The following CD55 variants were observed in gnomAD, a reference collection of about 807,000 sequenced individuals.
The protein encoded by CD55 is CD55 molecule (Cromer blood group), also known as complement decay-accelerating factor.
CD55 carries 41 observed loss-of-function variants against 45.8 expected under a neutral mutation model. That is an observed-to-expected ratio of 0.90 (90% CI 0.70 to 1.16). CD55 has a LOEUF of 1.16. Among genes scored for constraint, CD55 ranks in the 50% most tolerant of loss-of-function variants. CD55 has a pLI of 0.00. For missense variants in CD55, 416 were observed against 469.8 expected, an observed-to-expected ratio of 0.89 and a Z score of 1.06; for synonymous variants, 181 against 181.1, an observed-to-expected ratio of 1.00 and a Z score of 0.01.
intron 9 of CD55, among the ~76,000 whole-genome samples, chr1:207,340,188 G>C (rs368035098): frequency 6.6e-6 from 1 of 151,910 alleles, no homozygotes; most frequent in Non-Finnish European, 1.5e-5. Flanking sequence ...AACTTTTTTA[G>C]GTCTCACATG....
chr1:207,346,197 T>G (rs1655631044), intron 9 of CD55, among the ~76,000 whole-genome samples: 1 of 152,104 alleles, frequency 6.6e-6, no homozygotes, highest in African/African-American at 2.4e-5. Flanking sequence ...GGTGCGGTGA[T>G]TGGGTGGATC....
intron 6 of CD55, 39 bp downstream of exon 6, chr1:207,331,335 A>T (rs1178751275): frequency 6.5e-7 from 1 of 1,530,268 alleles, no homozygotes; most frequent in South Asian, 1.1e-5. Context: ...CTTTATTCTT[A>T]CCCTCAGGTC....
chr1:207,334,847 T>C (rs1250562039), intron 6 of CD55, among the ~76,000 whole-genome samples: 1 of 152,148 alleles, frequency 6.6e-6, no homozygotes, highest in African/African-American at 2.4e-5. Flanking sequence ...TCAGTAATTA[T>C]GTTAAGTGCA....
rs1656223720 is a variant in CD55, at chr1:207,359,739, G to GAT, written c.*130_*131dup. 19 of 1,260,298 alleles carry GAT rather than the reference G, an allele frequency of 1.5e-5. No individual in the cohort carries two copies. In the Middle Eastern group the frequency reaches 2.2e-3, roughly 144 times the overall value. The allele number at this position is 1,260,298 out of a possible 1,614,324, so 78.1% of individuals were successfully genotyped here. A position where few individuals can be genotyped will look rare whatever the true frequency, so the allele number is the denominator to read the frequency against. ...TTTAGGATGCTTTCATTGTCTTTAA[G>GAT]ATGTGTTAGGAATGTCAACAGAGCA... is the stretch of plus-strand genomic sequence containing the variant. On this transcript the variant is annotated 3_prime_UTR_variant, in exon 10 of 10. Transcript: ENST00000367064.
rs1236401085 is a variant in CD55, at chr1:207,336,749, G to A, written c.910G>A (p.Val304Ile). Reference protein sequence around the residue: ...PTVQKPTTVNVPTTEVSPTSQ... With the variant: ...PTVQKPTTVNIPTTEVSPTSQ... ...AGTTCAGAAACCTACCACAGTAAAT[G>A]TTCCAACTACAGAAGTCTCACCAAC... The change falls in exon 7 of 10, where the codon GTT becomes ATT. Residue 304 changes from valine to isoleucine, a missense_variant. Coordinates refer to ENST00000367064, the MANE Select transcript of CD55 (RefSeq NM_000574.5). The A allele has an allele frequency of 4.3e-6, 7 of 1,613,752 alleles. No individual in the cohort carries two copies. The highest frequency in any genetic ancestry group is 1.1e-5 in the South Asian group (1 of 91,068).
chr1:207,339,267 T>G, intron 8 of CD55, 130 bp from the exon 9 acceptor site: 1 of 649,234 alleles, frequency 1.5e-6, no homozygotes, highest in Non-Finnish European at 2.7e-6. Flanking sequence ...TTATAATTAT[T>G]TCATTTGTGG....
intron 9 of CD55, chr1:207,350,266 AT>A: frequency 3.2e-6 from 1 of 310,214 alleles, no homozygotes; most frequent in Non-Finnish European, 6.3e-6. Flanking sequence ...ATCTGCTAGT[AT>A]TTTGTTGAGG....
chr1:207,330,255 A>T (rs541719060), intron 5 of CD55, among the ~76,000 whole-genome samples: 1 of 151,984 alleles, frequency 6.6e-6, no homozygotes, highest in Non-Finnish European at 1.5e-5. Context: ...AAATGTGCTA[A>T]GTATTTTCTG....
At chr1:207,335,158 G>A (rs2102403921) in intron 6 of CD55, among the ~76,000 whole-genome samples, 1 of 145,796 alleles carries the variant, frequency 6.9e-6, no homozygotes, top group Non-Finnish European at 1.5e-5. Flanking sequence ...AAAATGGACA[G>A]AAAAAATAGA....
intron 6 of CD55, among the ~76,000 whole-genome samples, chr1:207,334,222 A>G (rs985838043): frequency 6.6e-6 from 1 of 152,158 alleles, no homozygotes; most frequent in Non-Finnish European, 1.5e-5. Context: ...CCAAAAGACA[A>G]TAAGAAGAAA....
chr1:207,339,566 C>T (rs968916167), intron 9 of CD55, 149 bp downstream of exon 9: 7 of 631,514 alleles, frequency 1.1e-5, no homozygotes, highest in Non-Finnish European at 1.6e-5. Flanking sequence ...AAACTTTAAA[C>T]GTCACTCAAA....
At chr1:207,353,975 A>T in intron 9 of CD55, 1 of 1,525,976 alleles carries the variant, frequency 6.6e-7, no homozygotes, top group South Asian at 1.2e-5. Flanking sequence ...TTTTGTTTTC[A>T]TAGCACATGC....
chr1:207,335,371 C>G (rs1245763893), intron 6 of CD55, among the ~76,000 whole-genome samples: 1 of 152,074 alleles, frequency 6.6e-6, no homozygotes, highest in Non-Finnish European at 1.5e-5. Context: ...TTGCTGGGCT[C>G]TAAGCTACAA....
rs1460678131 is a variant in CD55 at position 207,325,644 on chromosome 1, A to G, written c.501A>G (p.Gly167=). The change falls in exon 4 of 10, where the codon GGA becomes GGG. Residue 167 remains glycine (G), a synonymous_variant. Coordinates refer to ENST00000367064, the MANE Select transcript of CD55 (RefSeq NM_000574.5). ...FCKKKSCPNP[G]EIRNGQIDVP... ...TAGAGAAATCATGCCCTAATCCGGG[A>G]GAAATACGAAATGGTCAGATTGATG... 5 of 1,609,032 alleles carry G rather than the reference A, an allele frequency of 3.1e-6. No individual in the cohort carries two copies. The African/African-American group carries it at 6.7e-5, about 22-fold the overall frequency.
Position 207,359,639 on chromosome 1 carries a change from A to T in CD55, c.*29A>T, listed in dbSNP as rs1042390. 6.4e-7 allele frequency: 1 copy of T among 1,570,900 alleles called. No individual in the cohort carries two copies. The highest frequency in any genetic ancestry group is 2.3e-5 in the East Asian group (1 of 43,934). ...AAGAAGAGTTAAGAAGAAAATACAC[A>T]CAAGTATACAGACTGTTCCTAGTTT... On this transcript the variant is annotated 3_prime_UTR_variant, in exon 10 of 10. Coordinates refer to ENST00000367064, the MANE Select transcript of CD55 (RefSeq NM_000574.5).
Position 207,325,643 on chromosome 1 carries a change from G to A in CD55, c.500G>A (p.Gly167Glu). 6.2e-7 allele frequency: 1 copy of A among 1,608,650 alleles called. No homozygotes were observed. Among genetic ancestry groups the A allele is most frequent in the Non-Finnish European group, 8.5e-7 (1 of 1,176,232 alleles). ...CTAGAGAAATCATGCCCTAATCCGG[G>A]AGAAATACGAAATGGTCAGATTGAT... is the stretch of plus-strand genomic sequence containing the variant. ...FCKKKSCPNP[G>E]EIRNGQIDVP... Residue 167 changes from glycine to glutamate, a missense_variant, in exon 4 of 10, where the codon GGA (glycine) becomes GAA (glutamate). Physicochemically the swap from Gly to Glu is moderately conservative, Grantham distance 98 (BLOSUM62 -2). Around this residue, in one of 3 missense-constraint regions of CD55, gnomAD observed 111 missense variants for 163.4 expected, o/e 0.68. Coordinates refer to ENST00000367064, the MANE Select transcript of CD55 (RefSeq NM_000574.5).
chr1:207,345,036 G>T (rs572420697), intron 9 of CD55, among the ~76,000 whole-genome samples: 1 of 152,228 alleles, frequency 6.6e-6, no homozygotes, highest in African/African-American at 2.4e-5. Context: ...TTTTTAAATT[G>T]TATCTACTTG....
intron 9 of CD55, among the ~76,000 whole-genome samples, chr1:207,345,952 G>A (rs1266674080): frequency 1.3e-5 from 2 of 152,260 alleles, no homozygotes; most frequent in South Asian, 4.1e-4. Flanking sequence ...CCAAGTGTTG[G>A]CAGTGGTGGG....
chr1:207,332,007 G>A (rs1654968616), intron 6 of CD55, among the ~76,000 whole-genome samples: 3 of 151,894 alleles, frequency 2.0e-5, no homozygotes, highest in African/African-American at 4.8e-5. Context: ...AATTTTATTA[G>A]TATGAATTTT....
Sources: allele counts gnomAD v4.1 joint callset (sites outside exome capture counted in the v4.1 genomes callset), GRCh38; gene constraint gnomAD v4.1.1; regional missense constraint gnomAD v4.1.1; transcripts MANE v1.5; gene names NCBI Gene and HGNC (gene_info 2026-07-23, HGNC 2026-07-21).